SLC9A9: variants seen among roughly 807,000 people sequenced by gnomAD.
The protein encoded by SLC9A9 is solute carrier family 9 member A9.
Under a neutral mutation model 77.8 loss-of-function variants are expected in SLC9A9, and 62 were observed. That is an observed-to-expected ratio of 0.80 (90% CI 0.65 to 0.98). The LOEUF is 0.98. SLC9A9 is among the 50% of genes least tolerant of loss of function. The probability of loss-of-function intolerance (pLI) is 0.00; values close to 1 mark genes in which losing one functional copy is unlikely to be tolerated. For synonymous variants in SLC9A9, 320 were observed against 283.5 expected (o/e 1.13, Z -1.29); for missense variants, 775 against 774.9 (o/e 1.00, Z 0.00).
chr3:143,550,405 T>C (rs2036861028), intron 9 of SLC9A9, among the ~76,000 whole-genome samples: 1 of 152,170 alleles, frequency 6.6e-6, no homozygotes. Context: ...CCATATAACT[T>C]TGCAGTGATC....
intron 12 of SLC9A9, among the ~76,000 whole-genome samples, chr3:143,394,092 C>T (rs1484692329): frequency 6.6e-6 from 1 of 152,230 alleles, no homozygotes; most frequent in Non-Finnish European, 1.5e-5. Context: ...TCCCCCCTAA[C>T]TCATTTTATG....
chr3:143,623,798 A>G (rs974731320), intron 6 of SLC9A9, among the ~76,000 whole-genome samples: 1 of 152,158 alleles, frequency 6.6e-6, no homozygotes, highest in Non-Finnish European at 1.5e-5. Context: ...GACACAAAAA[A>G]CCCTTCAAAA....
chr3:143,556,376 C>T (rs1327839111), intron 8 of SLC9A9, among the ~76,000 whole-genome samples: 6 of 152,226 alleles, frequency 3.9e-5, no homozygotes, highest in Non-Finnish European at 8.8e-5. Context: ...CCCTATAAAC[C>T]ATGCTTTCCT....
Position 143,591,997 on chromosome 3 carries a change from A to G in SLC9A9, c.756-13274T>C, listed in dbSNP as rs139307969. ...TCTGGAAGCCTGGGGATGAGTGTAA[A>G]CTGAACATTTGTAAATGCATACATG... is the stretch of plus-strand genomic sequence containing the variant. On this transcript the variant is annotated intron_variant, in intron 6 of 15. Coordinates refer to ENST00000316549, the MANE Select transcript of SLC9A9 (RefSeq NM_173653.4). Among the ~76,000 whole-genome samples the G allele has an allele frequency of 3.9e-5, 6 of 152,322 alleles. No homozygotes were observed. In the East Asian group the frequency reaches 1.2e-3, roughly 29 times the overall value.
intron 6 of SLC9A9, among the ~76,000 whole-genome samples, chr3:143,602,498 C>T (rs1265868023): frequency 6.6e-6 from 1 of 152,178 alleles, no homozygotes; most frequent in Non-Finnish European, 1.5e-5. Flanking sequence ...TTCTTTTACC[C>T]TCTAGACATT....
At chr3:143,825,666 G>A (rs1384371950) in intron 2 of SLC9A9, among the ~76,000 whole-genome samples, 2 of 152,176 alleles carry the variant, frequency 1.3e-5, no homozygotes, top group Non-Finnish European at 1.5e-5. Flanking sequence ...TCACTTCAAA[G>A]TAACTTCCTT....
chr3:143,567,714 A>C (rs1255458761), intron 8 of SLC9A9, among the ~76,000 whole-genome samples: 1 of 152,218 alleles, frequency 6.6e-6, no homozygotes, highest in African/African-American at 2.4e-5. Flanking sequence ...TCAAATGATC[A>C]TCATCAAATT....
intron 14 of SLC9A9, among the ~76,000 whole-genome samples, chr3:143,303,646 G>A (rs1010622177): frequency 3.3e-5 from 5 of 152,192 alleles, no homozygotes; most frequent in Admixed American, 3.3e-4. Context: ...TTTTACATAT[G>A]AGCATACTAA....
chr3:143,294,198 A>T lies in SLC9A9; in HGVS notation c.1605-25218T>A, dbSNP rs141661003. Among the ~76,000 whole-genome samples, 900 of 152,188 alleles carry T rather than the reference A, an allele frequency of 5.9e-3. 9 individuals carry two copies. The highest frequency in any genetic ancestry group is 0.021 in the African/African-American group (870 of 41,516). ...AGTATTGATTTTTTATTGTTGTGGGATTCACTTAACCTCAAATAAAACTAA... is the reference window on the plus strand; with the variant it reads ...AGTATTGATTTTTTATTGTTGTGGGTTTCACTTAACCTCAAATAAAACTAA... On this transcript the variant is annotated intron_variant, in intron 14 of 15. Coordinates refer to ENST00000316549, the MANE Select transcript of SLC9A9 (RefSeq NM_173653.4).
intron 9 of SLC9A9, among the ~76,000 whole-genome samples, chr3:143,522,548 CT>C (rs2036319599): frequency 6.6e-6 from 1 of 152,142 alleles, no homozygotes; most frequent in African/African-American, 2.4e-5. Context: ...CATACTATCA[CT>C]TTATATGACT....
At chr3:143,353,268 T>C (rs980227407) in intron 14 of SLC9A9, among the ~76,000 whole-genome samples, 1 of 152,252 alleles carries the variant, frequency 6.6e-6, no homozygotes, top group Middle Eastern at 3.2e-3. Flanking sequence ...TGCTGTGGTC[T>C]GAATGTTTGT....
intron 2 of SLC9A9, among the ~76,000 whole-genome samples, chr3:143,825,624 A>G (rs1486822455): frequency 2.0e-5 from 3 of 152,200 alleles, no homozygotes; most frequent in Admixed American, 1.3e-4. Context: ...TTATTGAAAG[A>G]ATAGAAAGGA....
chr3:143,704,090 TC>T (rs1356471522), intron 4 of SLC9A9, among the ~76,000 whole-genome samples: 5 of 152,150 alleles, frequency 3.3e-5, no homozygotes, highest in Non-Finnish European at 7.4e-5. Flanking sequence ...ATAAAATGTC[TC>T]CCAGTAAAGA....
chr3:143,475,588 C>G (rs986039529), intron 11 of SLC9A9, among the ~76,000 whole-genome samples: 1 of 151,846 alleles, frequency 6.6e-6, no homozygotes. Context: ...GTCAGGAGAT[C>G]GAGACCATCC....
At chr3:143,760,106 T>A (rs1389332525) in intron 4 of SLC9A9, among the ~76,000 whole-genome samples, 1 of 152,162 alleles carries the variant, frequency 6.6e-6, no homozygotes, top group Non-Finnish European at 1.5e-5. Flanking sequence ...GAGAATATAG[T>A]AAACATTGGC....
chr3:143,394,473 A>G (rs2033649434), intron 12 of SLC9A9, among the ~76,000 whole-genome samples: 1 of 152,218 alleles, frequency 6.6e-6, no homozygotes, highest in South Asian at 2.1e-4. Flanking sequence ...AGAGCTATCT[A>G]TGACAAACCC....
chr3:143,537,255 G>C (rs1576561544), intron 9 of SLC9A9, among the ~76,000 whole-genome samples: 1 of 152,330 alleles, frequency 6.6e-6, no homozygotes, highest in East Asian at 1.9e-4. Flanking sequence ...AGAAATCCTG[G>C]GCATGGAGCC....
At chr3:143,586,290 C>T (rs1251155452) in intron 6 of SLC9A9, among the ~76,000 whole-genome samples, 1 of 152,208 alleles carries the variant, frequency 6.6e-6, no homozygotes. Flanking sequence ...AGCCATGGTT[C>T]CTAACCCCAA....
chr3:143,521,730 C>G (rs2036302555), intron 9 of SLC9A9, among the ~76,000 whole-genome samples: 1 of 151,812 alleles, frequency 6.6e-6, no homozygotes, highest in African/African-American at 2.4e-5. Context: ...TCTTAATACC[C>G]CTTATAAGTA....
Sources: allele counts gnomAD v4.1 joint callset (sites outside exome capture counted in the v4.1 genomes callset), GRCh38; gene constraint gnomAD v4.1.1; transcripts MANE v1.5; gene names NCBI Gene and HGNC (gene_info 2026-07-23, HGNC 2026-07-21).